The following KCNT2 variants were observed in gnomAD, a reference collection of about 807,000 sequenced individuals.
KCNT2 encodes the protein potassium sodium-activated channel subfamily T member 2, also known as potassium channel subfamily T member 2.
In KCNT2, 67 loss-of-function variants were observed where a neutral mutation model predicts 153.8. The observed-to-expected ratio is 0.44, with a 90% confidence interval of 0.36 to 0.53. The LOEUF (loss-of-function observed/expected upper bound fraction) is 0.53, where lower values mean the gene tolerates loss of function less well. Ranked by LOEUF, KCNT2 falls within the 20% of genes least tolerant of loss-of-function variation. The pLI is 0.00. For synonymous variants in KCNT2, 500 were observed against 458.8 expected (o/e 1.09, Z -1.15); for missense variants, 975 against 1,354.8 (o/e 0.72, Z 4.40).
At chr1:196,322,477 T>C (rs141266874) in intron 19 of KCNT2, among the ~76,000 whole-genome samples, 3,130 of 151,786 alleles carry the variant, frequency 0.021, 105 homozygotes, top group African/African-American at 0.071. Context: ...AAAAAGTAAC[T>C]GATGTTAGTA....
intron 1 of KCNT2, among the ~76,000 whole-genome samples, chr1:196,606,717 A>T (rs1041488469): frequency 6.6e-6 from 1 of 152,190 alleles, no homozygotes; most frequent in African/African-American, 2.4e-5. Flanking sequence ...TATGTGTTTA[A>T]TCTATCTCAC....
At chr1:196,417,026 T>C (rs1672812239) in intron 12 of KCNT2, among the ~76,000 whole-genome samples, 1 of 152,086 alleles carries the variant, frequency 6.6e-6, no homozygotes, top group African/African-American at 2.4e-5. Flanking sequence ...CCTTCCTGTG[T>C]CTGACTTATT....
intron 8 of KCNT2, among the ~76,000 whole-genome samples, chr1:196,462,165 G>A (rs1483889472): frequency 1.3e-5 from 2 of 151,580 alleles, no homozygotes; most frequent in Non-Finnish European, 3.0e-5. Context: ...TATCTTTACA[G>A]AACAGTTACT....
At chr1:196,446,922 ACC>A (rs1675736716) in intron 8 of KCNT2, among the ~76,000 whole-genome samples, 5 of 151,646 alleles carry the variant, frequency 3.3e-5, no homozygotes, top group African/African-American at 1.2e-4. Flanking sequence ...ACCTGTCTTT[ACC>A]CATTAGAAAT....
intron 12 of KCNT2, among the ~76,000 whole-genome samples, chr1:196,414,649 G>A (rs1672608540): frequency 6.6e-6 from 1 of 151,826 alleles, no homozygotes; most frequent in Non-Finnish European, 1.5e-5. Flanking sequence ...CTTACCAGTG[G>A]TTTAAATACA....
intron 8 of KCNT2, among the ~76,000 whole-genome samples, chr1:196,442,900 T>C (rs1675366254): frequency 6.6e-6 from 1 of 151,714 alleles, no homozygotes; most frequent in Non-Finnish European, 1.5e-5. Flanking sequence ...GTCATTTTGT[T>C]GTCATGAGAT....
At chr1:196,584,288 T>C (rs907748519) in intron 1 of KCNT2, among the ~76,000 whole-genome samples, 1 of 151,932 alleles carries the variant, frequency 6.6e-6, no homozygotes, top group Admixed American at 6.6e-5. Context: ...AAGGCTGTAA[T>C]AAATAACATA....
rs35196093 is a variant in KCNT2 at position 196,411,446 on chromosome 1, TAAA to T, written c.1185+11601_1185+11603del. 2.8e-3 allele frequency among the ~76,000 whole-genome samples: 273 copies of T among 96,292 alleles called. 1 individual carries two copies. The highest frequency in any genetic ancestry group is 6.4e-3 in the Middle Eastern group (1 of 156). 63.2% of individuals were successfully genotyped at this position (96,292 alleles called of 152,430 possible). A position where few individuals can be genotyped will look rare whatever the true frequency, so the allele number is the denominator to read the frequency against. ...CAGGATTGTTTTTAACTATTCCAGT[TAAA>T]AAAAAAAAAAAAAAAAAAAACGGCC... On this transcript the variant is annotated intron_variant, in intron 12 of 27. Coordinates refer to ENST00000294725, the MANE Select transcript of KCNT2 (RefSeq NM_198503.5).
chr1:196,318,046 T>C (rs1662905108), intron 20 of KCNT2, among the ~76,000 whole-genome samples: 1 of 151,514 alleles, frequency 6.6e-6, no homozygotes, highest in Admixed American at 6.6e-5. Context: ...CTCCTCTCCA[T>C]CATAATTTCT....
chr1:196,323,597 T>C (rs1663546542), intron 19 of KCNT2, among the ~76,000 whole-genome samples: 1 of 152,086 alleles, frequency 6.6e-6, no homozygotes, highest in South Asian at 2.1e-4. Context: ...GAAAGGTTTA[T>C]ATTTGAAAAC....
intron 1 of KCNT2, among the ~76,000 whole-genome samples, chr1:196,563,575 G>T (rs1168316636): frequency 3.3e-5 from 5 of 150,160 alleles, no homozygotes; most frequent in Admixed American, 2.7e-4. Flanking sequence ...TACAAGAAAA[G>T]AAAATTTTAG....
chr1:196,518,248 A>G (rs982337390), intron 1 of KCNT2, among the ~76,000 whole-genome samples: 5 of 152,206 alleles, frequency 3.3e-5, no homozygotes, highest in African/African-American at 1.2e-4. Flanking sequence ...CCACCTTAGA[A>G]TAGACATCGA....
At chr1:196,504,812 G>C (rs1168481989) in intron 1 of KCNT2, among the ~76,000 whole-genome samples, 1 of 152,154 alleles carries the variant, frequency 6.6e-6, no homozygotes, top group African/African-American at 2.4e-5. Context: ...TTGTGGTTTT[G>C]ATTTGCATTT....
At chr1:196,369,681 A>T (rs555209106) in intron 14 of KCNT2, among the ~76,000 whole-genome samples, 1 of 152,272 alleles carries the variant, frequency 6.6e-6, no homozygotes, top group African/African-American at 2.4e-5. Context: ...CTGCATAATA[A>T]TCCATGGTGT....
intron 1 of KCNT2, among the ~76,000 whole-genome samples, chr1:196,514,662 C>T (rs1681905440): frequency 6.6e-6 from 1 of 152,118 alleles, no homozygotes; most frequent in Non-Finnish European, 1.5e-5. Flanking sequence ...TTTGTATTTA[C>T]ATATGTGCAG....
chr1:196,379,244 C>A (rs1669247800), intron 13 of KCNT2, among the ~76,000 whole-genome samples: 1 of 151,892 alleles, frequency 6.6e-6, no homozygotes, highest in Non-Finnish European at 1.5e-5. Flanking sequence ...CTTCTAATTC[C>A]CCTCCTTTGT....
chr1:196,494,241 A>G (rs1462241567), intron 1 of KCNT2, among the ~76,000 whole-genome samples: 3 of 152,184 alleles, frequency 2.0e-5, no homozygotes, highest in Non-Finnish European at 4.4e-5. Flanking sequence ...GAAATTTGTT[A>G]TGGCTACATA....
At chr1:196,525,595 C>A (rs1370400153) in intron 1 of KCNT2, among the ~76,000 whole-genome samples, 1 of 152,110 alleles carries the variant, frequency 6.6e-6, no homozygotes, top group Non-Finnish European at 1.5e-5. Context: ...GCTAAACTAA[C>A]ATTTATTGTG....
At chr1:196,382,841 G>A (rs1205992795) in intron 13 of KCNT2, among the ~76,000 whole-genome samples, 2 of 152,006 alleles carry the variant, frequency 1.3e-5, no homozygotes, top group Non-Finnish European at 2.9e-5. Flanking sequence ...AACGTTAAGG[G>A]CCGCTTTGAG....
Sources: gnomAD v4.1 joint callset for allele counts (sites outside exome capture counted in the v4.1 genomes callset) on GRCh38, gnomAD v4.1.1 for gene constraint, MANE v1.5 for transcripts, NCBI Gene and HGNC (gene_info 2026-07-23, HGNC 2026-07-21) for gene names.